The following DMD variants were observed in gnomAD, a reference collection of about 807,000 sequenced individuals.
DMD encodes the protein mutant dystrophin.
In DMD, 63 loss-of-function variants were observed where a neutral mutation model predicts 330.1. The observed-to-expected ratio is 0.19, with a 90% CI of 0.16 to 0.24. The LOEUF is 0.24. Among genes scored for constraint, DMD ranks in the 10% least tolerant of loss-of-function variants. DMD has a pLI of 1.00. For synonymous variants in DMD, 1,223 were observed against 959.8 expected, an observed-to-expected ratio of 1.27 and a Z score of -5.07; for missense variants, 3,344 against 2,684.1, an observed-to-expected ratio of 1.25 and a Z score of -5.43.
At chrX:32,208,847 C>A (rs999421014) in intron 44 of DMD, among the ~76,000 whole-genome samples, 3 of 111,066 alleles carry the variant, frequency 2.7e-5, no homozygotes, top group Non-Finnish European at 5.7e-5. Flanking sequence ...ACAGGGCCAT[C>A]ATATTGTTAA....
At chrX:32,977,498 A>G (rs2092587982) in intron 2 of DMD, among the ~76,000 whole-genome samples, 2 of 110,624 alleles carry the variant, frequency 1.8e-5, no homozygotes, top group African/African-American at 6.6e-5. Flanking sequence ...AACTAAATAT[A>G]AGACTCAACC....
At chrX:31,881,026 C>A (rs1444181900) in intron 47 of DMD, among the ~76,000 whole-genome samples, 1 of 111,117 alleles carries the variant, frequency 9.0e-6, no homozygotes, top group Non-Finnish European at 1.9e-5. Flanking sequence ...ATGATCCTGA[C>A]CCATGTAGGC....
intron 54 of DMD, among the ~76,000 whole-genome samples, chrX:31,651,296 T>A (rs1282070396): frequency 8.9e-6 from 1 of 111,732 alleles, no homozygotes; most frequent in Non-Finnish European, 1.9e-5. Context: ...GAAAGTACAG[T>A]TCTGGAGATC....
chrX:32,585,697 C>A (rs1196847734), intron 13 of DMD, among the ~76,000 whole-genome samples: 1 of 19,979 alleles, frequency 5.0e-5, no homozygotes, highest in Non-Finnish European at 9.7e-5. Context: ...AGGACTCCGT[C>A]TCAAAAAAAA....
chrX:32,017,079 C>A (rs375881232), intron 44 of DMD, among the ~76,000 whole-genome samples: 1 of 111,954 alleles, frequency 8.9e-6, no homozygotes, highest in Admixed American at 9.5e-5. Context: ...CTTTTGGAAA[C>A]GGCTTTGTTT....
rs912848640 is a variant in DMD, at chrX:31,383,358, C to A, written c.9085-34724G>T. Among the ~76,000 whole-genome samples, 6 of 112,419 alleles carry A rather than the reference C, an allele frequency of 5.3e-5. No homozygotes were observed. The East Asian group carries it at 1.4e-3, about 26-fold the overall frequency. ...AAGACTGTTTGGTGGTCTCTTCACA[C>A]GGACGCGAGTGAAAGTTGTAACAAT... On this transcript the variant is annotated intron_variant, in intron 60 of 78. Transcript: ENST00000357033.
intron 43 of DMD, among the ~76,000 whole-genome samples, chrX:32,226,617 T>C (rs1027557344): frequency 4.5e-5 from 5 of 111,226 alleles, no homozygotes; most frequent in African/African-American, 1.6e-4. Context: ...AGTCCATGAG[T>C]AATTTCACAA....
chrX:31,912,802 C>T (rs1257957489), intron 47 of DMD, among the ~76,000 whole-genome samples: 1 of 112,069 alleles, frequency 8.9e-6, no homozygotes, highest in Non-Finnish European at 1.9e-5. Flanking sequence ...TTAATCACGC[C>T]TCTTGGATTC....
At chrX:33,076,915 T>A (rs2094850805) in intron 1 of DMD, among the ~76,000 whole-genome samples, 1 of 111,500 alleles carries the variant, frequency 9.0e-6, no homozygotes, top group African/African-American at 3.3e-5. Flanking sequence ...GCAGAGTTTT[T>A]AAGGATAACT....
At chrX:31,943,940 T>C (rs2150060214) in intron 45 of DMD, among the ~76,000 whole-genome samples, 1 of 101,768 alleles carries the variant, frequency 9.8e-6, no homozygotes, top group East Asian at 3.2e-4. Flanking sequence ...AAGGGAACAT[T>C]TTGATCATCA....
intron 1 of DMD, among the ~76,000 whole-genome samples, chrX:33,134,146 A>T (rs142095428): frequency 2.6e-3 from 293 of 111,658 alleles, no homozygotes; most frequent in African/African-American, 9.1e-3. Flanking sequence ...ACTTGAGCCA[A>T]CTTGGGAGCT....
chrX:33,114,575 A>C (rs1053027634), intron 1 of DMD, among the ~76,000 whole-genome samples: 3 of 111,638 alleles, frequency 2.7e-5, no homozygotes, highest in African/African-American at 9.8e-5. Flanking sequence ...GCTTTTTAAA[A>C]TGTGAGACCA....
chrX:31,522,780 T>C (rs1386448327), intron 55 of DMD, among the ~76,000 whole-genome samples: 5 of 111,052 alleles, frequency 4.5e-5, no homozygotes, highest in Non-Finnish European at 7.6e-5. Flanking sequence ...GCCTGTCACT[T>C]AGTGATAGGG....
chrX:32,127,926 T>C (rs2096669742), intron 44 of DMD, among the ~76,000 whole-genome samples: 2 of 112,224 alleles, frequency 1.8e-5, no homozygotes, highest in Admixed American at 9.5e-5. Context: ...TGCAAAGACA[T>C]GTATTTGCAA....
chrX:31,228,062 T>A (rs1296526049), intron 63 of DMD, among the ~76,000 whole-genome samples: 90 of 89,384 alleles, frequency 1.0e-3, no homozygotes, highest in Middle Eastern at 0.011. Flanking sequence ...AACAATGAGA[T>A]CACATGGACA....
At chrX:32,814,333 A>G (rs968815513) in intron 6 of DMD, among the ~76,000 whole-genome samples, 3 of 112,335 alleles carry the variant, frequency 2.7e-5, no homozygotes, top group African/African-American at 9.7e-5. Flanking sequence ...TTTGCGTTTT[A>G]TCACACAACT....
intron 21 of DMD, among the ~76,000 whole-genome samples, chrX:32,475,901 C>G (rs753597912): frequency 7.2e-5 from 8 of 110,898 alleles, no homozygotes; most frequent in Non-Finnish European, 1.5e-4. Flanking sequence ...CTGGCTAGGA[C>G]TTCTAGTACT....
intron 11 of DMD, among the ~76,000 whole-genome samples, chrX:32,634,110 C>A (rs1464841438): frequency 2.7e-5 from 3 of 111,827 alleles, no homozygotes; most frequent in South Asian, 3.7e-4. Flanking sequence ...CCCCTTTCCA[C>A]AAACAGAGAT....
At chrX:32,809,943 AAAAGAAAGAAAGAAAG>A (rs553322206) in intron 6 of DMD, among the ~76,000 whole-genome samples, 1 of 83,976 alleles carries the variant, frequency 1.2e-5, no homozygotes, top group Non-Finnish European at 2.2e-5. Flanking sequence ...AAAAAAAAAA[AAAAGAAAGAAAGAAAG>A]AAAGAAAGAA....
Sources: gnomAD v4.1 joint callset for allele counts (sites outside exome capture counted in the v4.1 genomes callset) on GRCh38, gnomAD v4.1.1 for gene constraint, MANE v1.5 for transcripts, NCBI Gene and HGNC (gene_info 2026-07-23, HGNC 2026-07-21) for gene names.